CDK14: variants seen among roughly 807,000 people sequenced by gnomAD.
CDK14 encodes the protein cyclin-dependent kinase 14.
A neutral mutation model predicts 60.7 loss-of-function variants in CDK14; 34 were observed. That is an observed-to-expected ratio of 0.56 (90% CI 0.43 to 0.75). The LOEUF (loss-of-function observed/expected upper bound fraction) is 0.75, where lower values mean the gene tolerates loss of function less well. CDK14 is among the 30% of genes least tolerant of loss of function. The pLI is 0.00. For synonymous variants in CDK14, 197 were observed against 203.7 expected, an observed-to-expected ratio of 0.97 and a Z score of 0.28; for missense variants, 482 against 564.1, an observed-to-expected ratio of 0.85 and a Z score of 1.47.
At chr7:90,695,989 A>G (rs1801647046) in intron 2 of CDK14, among the ~76,000 whole-genome samples, 1 of 152,130 alleles carries the variant, frequency 6.6e-6, no homozygotes, top group Non-Finnish European at 1.5e-5. Flanking sequence ...TAGAATGTAG[A>G]CTGCATCGGG....
chr7:90,842,398 G>T (rs997846254), intron 5 of CDK14, among the ~76,000 whole-genome samples: 3 of 152,176 alleles, frequency 2.0e-5, no homozygotes, highest in African/African-American at 7.2e-5. Context: ...TTAGTGATTG[G>T]TGTGAAAGAA....
chr7:91,050,316 T>A (rs1295354566), intron 11 of CDK14, among the ~76,000 whole-genome samples: 1 of 152,026 alleles, frequency 6.6e-6, no homozygotes, highest in East Asian at 1.9e-4. Flanking sequence ...ATAACAGGAA[T>A]CCAGGGGAGA....
chr7:91,147,746 C>G (rs532762520), intron 14 of CDK14, among the ~76,000 whole-genome samples: 34 of 152,262 alleles, frequency 2.2e-4, no homozygotes, highest in Admixed American at 7.8e-4. Context: ...CCCCTCCCCC[C>G]CATTAAAGCC....
intron 4 of CDK14, among the ~76,000 whole-genome samples, chr7:90,777,313 AC>A (rs1192782710): frequency 7.9e-5 from 12 of 152,154 alleles, no homozygotes; most frequent in Non-Finnish European, 1.6e-4. Flanking sequence ...TCATTTGTTT[AC>A]CACTGAGCTT....
intron 10 of CDK14, among the ~76,000 whole-genome samples, chr7:91,029,910 C>T (rs1037458211): frequency 6.6e-6 from 1 of 152,146 alleles, no homozygotes; most frequent in African/African-American, 2.4e-5. Flanking sequence ...TTATTTCTTT[C>T]TCTTGCCTGA....
chr7:90,726,687 C>G lies in CDK14; in HGVS notation c.244C>G (p.Pro82Ala). 1 of 1,613,846 alleles carries G rather than the reference C, an allele frequency of 6.2e-7. No individual in the cohort carries two copies. Among genetic ancestry groups the G allele is most frequent in the Non-Finnish European group, 8.5e-7 (1 of 1,179,826 alleles). The stretch of plus-strand genomic sequence containing the variant: ...TCAGAGGACACAGAGCACTTTTGAC[C>G]CATTTGAGAAACCAGCTAATCAAGT... ...RVQRTQSTFD[P>A]FEKPANQVKR... is the part of the protein sequence containing the mutation. The change falls in exon 3 of 15, where the codon CCA (proline) becomes GCA (alanine). Residue 82 changes from proline to alanine, a missense_variant. By Grantham distance (27) the Pro-to-Ala change is conservative. Coordinates refer to ENST00000380050, the MANE Select transcript of CDK14 (RefSeq NM_001287135.2).
intron 2 of CDK14, among the ~76,000 whole-genome samples, chr7:90,711,882 ATGTTT>A (rs1802074643): frequency 9.0e-6 from 1 of 110,816 alleles, no homozygotes; most frequent in Non-Finnish European, 1.8e-5. Flanking sequence ...ATAGTCTACT[ATGTTT>A]TTTTTTTTTT....
intron 2 of CDK14, among the ~76,000 whole-genome samples, chr7:90,716,989 T>C (rs537474428): frequency 6.6e-6 from 1 of 152,192 alleles, no homozygotes; most frequent in South Asian, 2.1e-4. Flanking sequence ...GCTGCCAGTC[T>C]GCAAGCAGCA....
intron 10 of CDK14, among the ~76,000 whole-genome samples, chr7:90,986,654 T>C (rs1366640152): frequency 6.6e-6 from 1 of 152,010 alleles, no homozygotes; most frequent in Non-Finnish European, 1.5e-5. Flanking sequence ...GTTCCATATA[T>C]TTTGTATTGA....
chr7:90,836,709 T>A (rs1790112309), intron 5 of CDK14, among the ~76,000 whole-genome samples: 2 of 152,244 alleles, frequency 1.3e-5, no homozygotes, highest in South Asian at 2.1e-4. Flanking sequence ...TGTACATAAT[T>A]GTCTATGCAA....
intron 8 of CDK14, among the ~76,000 whole-genome samples, chr7:90,920,209 A>G (rs1793206291): frequency 6.6e-6 from 1 of 152,246 alleles, no homozygotes; most frequent in Non-Finnish European, 1.5e-5. Flanking sequence ...CAGCAAAACA[A>G]TTAAAAACAC....
chr7:90,790,976 G>A (rs1055409345), intron 5 of CDK14, among the ~76,000 whole-genome samples: 15 of 152,138 alleles, frequency 9.9e-5, no homozygotes, highest in East Asian at 5.8e-4. Context: ...ACATTATTCC[G>A]TATTGATGAT....
At chr7:91,011,648 C>T (rs1326824535) in intron 10 of CDK14, among the ~76,000 whole-genome samples, 1 of 152,040 alleles carries the variant, frequency 6.6e-6, no homozygotes, top group Non-Finnish European at 1.5e-5. Flanking sequence ...TGTCTCTTTT[C>T]CCTACTTGTT....
chr7:91,055,815 C>T (rs1039493259), intron 11 of CDK14, among the ~76,000 whole-genome samples: 2 of 152,092 alleles, frequency 1.3e-5, no homozygotes, highest in Non-Finnish European at 2.9e-5. Context: ...AAGACAGGGA[C>T]GATTTACTTG....
intron 3 of CDK14, among the ~76,000 whole-genome samples, chr7:90,741,207 A>T (rs533255983): frequency 6.6e-6 from 1 of 152,324 alleles, no homozygotes; most frequent in East Asian, 1.9e-4. Flanking sequence ...TGCCACAGTC[A>T]TTCTTCCATT....
chr7:90,609,170 G>A (rs1799484192), intron 2 of CDK14, among the ~76,000 whole-genome samples: 1 of 152,044 alleles, frequency 6.6e-6, no homozygotes, highest in Admixed American at 6.6e-5. Flanking sequence ...GGGACCACAG[G>A]CATCCACCAC....
At chr7:90,780,862 T>C (rs1375929515) in intron 4 of CDK14, among the ~76,000 whole-genome samples, 1 of 152,014 alleles carries the variant, frequency 6.6e-6, no homozygotes. Context: ...GCAATAAACA[T>C]ACGTGTGCAT....
chr7:90,753,142 T>C (rs1295101234), intron 4 of CDK14, among the ~76,000 whole-genome samples: 1 of 152,116 alleles, frequency 6.6e-6, no homozygotes, highest in Non-Finnish European at 1.5e-5. Context: ...TCATCGAGGA[T>C]GATGAAGCCA....
chr7:90,642,989 G>A (rs185875132), intron 2 of CDK14, among the ~76,000 whole-genome samples: 30 of 152,278 alleles, frequency 2.0e-4, no homozygotes, highest in Non-Finnish European at 4.0e-4. Flanking sequence ...GCTTAGTTTC[G>A]CACTCAGAAA....
Sources: gnomAD v4.1 joint callset for allele counts (sites outside exome capture counted in the v4.1 genomes callset) on GRCh38, gnomAD v4.1.1 for gene constraint, MANE v1.5 for transcripts, NCBI Gene and HGNC (gene_info 2026-07-23, HGNC 2026-07-21) for gene names.